Variants in PPFIA2 observed in about 807,000 individuals in gnomAD.
PPFIA2 encodes the protein PPFI scaffold protein A2, also known as liprin-alpha-2.
PPFIA2 carries 46 observed loss-of-function variants against 175.5 expected under a neutral mutation model. That is an observed-to-expected ratio of 0.26 (90% confidence interval 0.21 to 0.34). PPFIA2 has a LOEUF of 0.34. PPFIA2 is among the 10% of genes least tolerant of loss of function. The probability of loss-of-function intolerance (pLI) is 1.00; values close to 1 mark genes in which losing one functional copy is unlikely to be tolerated. For synonymous variants in PPFIA2, 568 were observed against 511.4 expected (o/e 1.11, Z -1.49); for missense variants, 1,179 against 1,506.1 (o/e 0.78, Z 3.60).
chr12:81,489,354 C>A (rs756350452), intron 4 of PPFIA2, among the ~76,000 whole-genome samples: 2 of 151,402 alleles, frequency 1.3e-5, no homozygotes, highest in African/African-American at 2.4e-5. Context: ...TGGAAGGAAC[C>A]GTAAAACTCA....
intron 4 of PPFIA2, among the ~76,000 whole-genome samples, chr12:81,539,204 G>C (rs2065854802): frequency 6.6e-6 from 1 of 151,890 alleles, no homozygotes; most frequent in Non-Finnish European, 1.5e-5. Context: ...TACGTCAACT[G>C]AGATGCCTAT....
intron 4 of PPFIA2, among the ~76,000 whole-genome samples, chr12:81,567,624 A>G (rs1410767909): frequency 1.3e-5 from 2 of 152,186 alleles, no homozygotes; most frequent in Non-Finnish European, 2.9e-5. Flanking sequence ...ATAAAACTCC[A>G]GTGAAAACTT....
chr12:81,523,773 C>T (rs1267606250), intron 4 of PPFIA2, among the ~76,000 whole-genome samples: 1 of 152,088 alleles, frequency 6.6e-6, no homozygotes, highest in African/African-American at 2.4e-5. Flanking sequence ...ACTTTTCCAC[C>T]CATACTTCTT....
At chr12:81,456,008 C>T (rs2053516720) in intron 5 of PPFIA2, among the ~76,000 whole-genome samples, 1 of 152,098 alleles carries the variant, frequency 6.6e-6, no homozygotes, top group Non-Finnish European at 1.5e-5. Context: ...GTGTCTGGTG[C>T]ATTTTAAATG....
chr12:81,415,472 A>G (rs1231565385), intron 7 of PPFIA2, among the ~76,000 whole-genome samples: 1 of 149,848 alleles, frequency 6.7e-6, no homozygotes, highest in African/African-American at 2.4e-5. Context: ...TTGAAAATAC[A>G]TCATATAAAA....
At chr12:81,692,825 A>G (rs2075412761) in intron 3 of PPFIA2, among the ~76,000 whole-genome samples, 1 of 152,134 alleles carries the variant, frequency 6.6e-6, no homozygotes, top group Non-Finnish European at 1.5e-5. Flanking sequence ...AATTTCTAAG[A>G]AAAACATTTT....
chr12:81,268,337 A>G (rs578110962), intron 28 of PPFIA2, among the ~76,000 whole-genome samples: 223 of 150,486 alleles, frequency 1.5e-3, no homozygotes, highest in Non-Finnish European at 1.4e-3. Flanking sequence ...ACGGGGTTTC[A>G]CCGTTTTAGC....
intron 4 of PPFIA2, among the ~76,000 whole-genome samples, chr12:81,493,787 T>TATATATATATAC (rs1491517743): frequency 4.1e-3 from 526 of 128,152 alleles, no homozygotes; most frequent in Non-Finnish European, 5.1e-3. Context: ...TATATATATA[T>TATATATATATAC]ACACATTGGA....
intron 4 of PPFIA2, among the ~76,000 whole-genome samples, chr12:81,588,438 T>C (rs566176242): frequency 2.6e-5 from 4 of 152,164 alleles, no homozygotes; most frequent in African/African-American, 9.6e-5. Context: ...CCATTTCATC[T>C]ACTTCCATGG....
chr12:81,381,138 A>G (rs2037595059), intron 9 of PPFIA2, among the ~76,000 whole-genome samples: 1 of 152,122 alleles, frequency 6.6e-6, no homozygotes, highest in Non-Finnish European at 1.5e-5. Flanking sequence ...CCTGGCTCTG[A>G]AAACATTTGT....
intron 4 of PPFIA2, among the ~76,000 whole-genome samples, chr12:81,655,193 CTTGT>C: frequency 6.6e-6 from 1 of 151,898 alleles, no homozygotes; most frequent in Non-Finnish European, 1.5e-5. Flanking sequence ...CACCTTCTCA[CTTGT>C]TTATTTGATG....
At chr12:81,493,231 T>C (rs1467917093) in intron 4 of PPFIA2, among the ~76,000 whole-genome samples, 2 of 152,100 alleles carry the variant, frequency 1.3e-5, no homozygotes, top group Non-Finnish European at 2.9e-5. Flanking sequence ...TTGGAGACGC[T>C]AATATAGAAG....
At chr12:81,507,306 G>A (rs1255253340) in intron 4 of PPFIA2, among the ~76,000 whole-genome samples, 1 of 151,792 alleles carries the variant, frequency 6.6e-6, no homozygotes, top group East Asian at 1.9e-4. Context: ...TTCTTTTCTT[G>A]TTGGTTTTAT....
chr12:81,610,612 T>C (rs1341287938), intron 4 of PPFIA2, among the ~76,000 whole-genome samples: 1 of 152,226 alleles, frequency 6.6e-6, no homozygotes, highest in African/African-American at 2.4e-5. Flanking sequence ...GGCTATTTCA[T>C]ATTTCAAATC....
intron 3 of PPFIA2, among the ~76,000 whole-genome samples, chr12:81,752,628 C>T (rs1208904252): frequency 1.3e-5 from 2 of 152,170 alleles, no homozygotes; most frequent in Non-Finnish European, 2.9e-5. Context: ...CAGGATGTGA[C>T]AGGGGATTCT....
chr12:81,705,083 T>TAAAAAA (rs557079067), intron 3 of PPFIA2, among the ~76,000 whole-genome samples: 5 of 32,372 alleles, frequency 1.5e-4, no homozygotes, highest in Non-Finnish European at 2.6e-4. Context: ...AAACTCTGTC[T>TAAAAAA]AAAAAAAAAA....
chr12:81,600,684 A>G (rs1363909097), intron 4 of PPFIA2, among the ~76,000 whole-genome samples: 2 of 151,988 alleles, frequency 1.3e-5, no homozygotes, highest in Non-Finnish European at 2.9e-5. Flanking sequence ...TAAGTTATAT[A>G]TGTGAAATAT....
intron 7 of PPFIA2, among the ~76,000 whole-genome samples, chr12:81,411,626 A>AGACTCTCT (rs1180442172): frequency 6.6e-6 from 1 of 152,044 alleles, no homozygotes; most frequent in Non-Finnish European, 1.5e-5. Context: ...GTCTTGCAAC[A>AGACTCTCT]GACTCTCTTC....
chr12:81,650,946 G>A (rs897441479), intron 4 of PPFIA2, among the ~76,000 whole-genome samples: 1 of 152,202 alleles, frequency 6.6e-6, no homozygotes, highest in Admixed American at 6.5e-5. Context: ...GAGAGGGCAA[G>A]AGAAGTGAAG....
Sources: gnomAD v4.1 joint callset for allele counts (sites outside exome capture counted in the v4.1 genomes callset) on GRCh38, gnomAD v4.1.1 for gene constraint, MANE v1.5 for transcripts, NCBI Gene and HGNC (gene_info 2026-07-23, HGNC 2026-07-21) for gene names.